FHIT: variants seen among roughly 807,000 people sequenced by gnomAD.
FHIT encodes bis(5'-adenosyl)-triphosphatase.
Under a neutral mutation model 17.9 loss-of-function variants are expected in FHIT, and 19 were observed. That is an observed-to-expected ratio of 1.06 (90% CI 0.74 to 1.56). FHIT has a LOEUF of 1.56. Among genes scored for constraint, FHIT ranks in the 40% most tolerant of loss-of-function variants. FHIT has a pLI of 0.00. For missense variants in FHIT, 248 were observed against 189.2 expected, an observed-to-expected ratio of 1.31 and a Z score of -1.82; for synonymous variants, 81 against 69.7, an observed-to-expected ratio of 1.16 and a Z score of -0.81.
At chr3:60,031,820 T>C (rs894345644) in intron 5 of FHIT, among the ~76,000 whole-genome samples, 1 of 152,066 alleles carries the variant, frequency 6.6e-6, no homozygotes, top group South Asian at 2.1e-4. Context: ...TGAACATGAA[T>C]GAAAAAAATG....
chr3:60,631,992 G>A (rs1330159004), intron 4 of FHIT, among the ~76,000 whole-genome samples: 6 of 152,132 alleles, frequency 3.9e-5, no homozygotes, highest in Admixed American at 3.3e-4. Flanking sequence ...GAAACACCAC[G>A]GGTAGGACTC....
At chr3:60,167,351 T>C (rs1486827811) in intron 5 of FHIT, among the ~76,000 whole-genome samples, 1 of 152,216 alleles carries the variant, frequency 6.6e-6, no homozygotes, top group Admixed American at 6.5e-5. Context: ...CTTATTCTAG[T>C]AGGAATTATC....
intron 8 of FHIT, among the ~76,000 whole-genome samples, chr3:59,761,120 G>A (rs1266009513): frequency 2.0e-5 from 3 of 152,284 alleles, no homozygotes; most frequent in African/African-American, 2.4e-5. Flanking sequence ...GGATTGGAAC[G>A]ATCTTGCCCA....
chr3:60,027,149 A>AT (rs1466397671), intron 5 of FHIT, among the ~76,000 whole-genome samples: 1 of 109,758 alleles, frequency 9.1e-6, no homozygotes, highest in Non-Finnish European at 1.8e-5. Context: ...ACACACACAC[A>AT]AAATTAGTAA....
chr3:60,507,948 T>C (rs2034801119), intron 5 of FHIT, among the ~76,000 whole-genome samples: 1 of 152,218 alleles, frequency 6.6e-6, no homozygotes, highest in Non-Finnish European at 1.5e-5. Context: ...GTTGATTCTA[T>C]ATCTTTGCTA....
chr3:60,879,309 T>C (rs1409993771), intron 3 of FHIT, among the ~76,000 whole-genome samples: 2 of 152,184 alleles, frequency 1.3e-5, no homozygotes, highest in Non-Finnish European at 2.9e-5. Context: ...CTGTTGACAC[T>C]GAATGCAGCT....
At chr3:60,972,905 C>T (rs900354199) in intron 3 of FHIT, among the ~76,000 whole-genome samples, 1 of 152,112 alleles carries the variant, frequency 6.6e-6, no homozygotes, top group Non-Finnish European at 1.5e-5. Context: ...TCATGTTGTA[C>T]ATTTGATTCC....
intron 4 of FHIT, among the ~76,000 whole-genome samples, chr3:60,707,851 CATG>C (rs2041413918): frequency 6.6e-6 from 1 of 152,156 alleles, no homozygotes; most frequent in African/African-American, 2.4e-5. Context: ...CAAAATTTAT[CATG>C]ATGTTTTTAT....
At chr3:60,876,113 C>T (rs1402111480) in intron 3 of FHIT, among the ~76,000 whole-genome samples, 1 of 152,048 alleles carries the variant, frequency 6.6e-6, no homozygotes, top group Non-Finnish European at 1.5e-5. Context: ...AGGATCCTAA[C>T]CTTAAACCAC....
intron 5 of FHIT, among the ~76,000 whole-genome samples, chr3:60,302,551 T>G (rs1487464043): frequency 2.0e-5 from 3 of 152,162 alleles, no homozygotes; most frequent in Non-Finnish European, 4.4e-5. Flanking sequence ...CCTAGGACAT[T>G]GCTTGGAACT....
chr3:60,339,330 GT>G (rs1710399744), intron 5 of FHIT, among the ~76,000 whole-genome samples: 1 of 151,974 alleles, frequency 6.6e-6, no homozygotes, highest in South Asian at 2.1e-4. Context: ...TATATTTCTA[GT>G]CCATATCTGA....
intron 2 of FHIT, among the ~76,000 whole-genome samples, chr3:61,047,263 G>A (rs1274400055): frequency 2.0e-5 from 3 of 152,196 alleles, no homozygotes; most frequent in Non-Finnish European, 4.4e-5. Context: ...TCCTTAAGCT[G>A]ATAGGCAACT....
intron 2 of FHIT, among the ~76,000 whole-genome samples, chr3:61,043,909 T>A (rs2033653845): frequency 6.6e-6 from 1 of 152,160 alleles, no homozygotes; most frequent in South Asian, 2.1e-4. Flanking sequence ...GACCTGCAGC[T>A]GAGGATCCTA....
intron 5 of FHIT, among the ~76,000 whole-genome samples, chr3:60,486,237 G>A (rs149217868): frequency 6.6e-6 from 1 of 152,218 alleles, no homozygotes; most frequent in Non-Finnish European, 1.5e-5. Flanking sequence ...GTAATTCAGG[G>A]CTAGAATTTC....
At chr3:59,806,816 T>G (rs1286077711) in intron 8 of FHIT, among the ~76,000 whole-genome samples, 1 of 151,966 alleles carries the variant, frequency 6.6e-6, no homozygotes, top group Non-Finnish European at 1.5e-5. Flanking sequence ...AAATTATCAC[T>G]GGAGAAACAA....
At chr3:59,961,544 G>C (rs1035154829) in intron 7 of FHIT, among the ~76,000 whole-genome samples, 3 of 152,130 alleles carry the variant, frequency 2.0e-5, no homozygotes, top group African/African-American at 7.2e-5. Context: ...CACTGGTGTA[G>C]GCATCTGTGG....
chr3:60,528,586 G>T (rs2035659424), intron 5 of FHIT, among the ~76,000 whole-genome samples: 1 of 152,114 alleles, frequency 6.6e-6, no homozygotes, highest in African/African-American at 2.4e-5. Flanking sequence ...TAATTAATCA[G>T]CTAACCTACA....
At chr3:60,108,620 T>C (rs960870919) in intron 5 of FHIT, among the ~76,000 whole-genome samples, 9 of 152,010 alleles carry the variant, frequency 5.9e-5, no homozygotes, top group Admixed American at 1.3e-4. Flanking sequence ...AATTATACCT[T>C]GTGCTTAGCA....
intron 3 of FHIT, among the ~76,000 whole-genome samples, chr3:60,880,240 A>G (rs2107121935): frequency 6.6e-6 from 1 of 152,322 alleles, no homozygotes; most frequent in South Asian, 2.1e-4. Flanking sequence ...GTACTGAAGG[A>G]AAAAAACTGT....
Sources: allele counts gnomAD v4.1 joint callset (sites outside exome capture counted in the v4.1 genomes callset), GRCh38; gene constraint gnomAD v4.1.1; transcripts MANE v1.5; gene names NCBI Gene and HGNC (gene_info 2026-07-23, HGNC 2026-07-21).